The following TCF4 variants were observed in gnomAD, a reference collection of about 807,000 sequenced individuals.
TCF4 encodes transcription factor 4.
Under a neutral mutation model 82.1 loss-of-function variants are expected in TCF4, and 3 were observed. That is an observed-to-expected ratio of 0.04 (90% CI 0.02 to 0.09). The LOEUF is 0.09. Ranked by LOEUF, TCF4 falls within the 10% of genes least tolerant of loss-of-function variation. TCF4 has a pLI of 1.00. For synonymous variants in TCF4, 276 were observed against 309.6 expected (o/e 0.89, Z 1.14); for missense variants, 518 against 852.7 (o/e 0.61, Z 4.89).
At chr18:55,275,774 A>G (rs761519432) in intron 9 of TCF4, 22 bp from the exon 10 acceptor site, 21 of 1,613,538 alleles carry the variant, frequency 1.3e-5, no homozygotes, top group Non-Finnish European at 1.7e-5. Context: ...AAAGACAACC[A>G]TGACTTTCTG....
chr18:55,560,040 G>C (rs891575496), intron 3 of TCF4, among the ~76,000 whole-genome samples: 1 of 152,082 alleles, frequency 6.6e-6, no homozygotes, highest in African/African-American at 2.4e-5. Context: ...AATATTAGAA[G>C]CTGTAAAATA....
intron 15 of TCF4, among the ~76,000 whole-genome samples, chr18:55,246,507 A>G (rs1053339014): frequency 6.6e-6 from 1 of 152,192 alleles, no homozygotes; most frequent in Non-Finnish European, 1.5e-5. Flanking sequence ...ATGTTCACAT[A>G]TGGGCATGCA....
At chr18:55,476,254 C>T (rs1318601249) in intron 3 of TCF4, among the ~76,000 whole-genome samples, 1 of 151,972 alleles carries the variant, frequency 6.6e-6, no homozygotes, top group Non-Finnish European at 1.5e-5. Context: ...GAATATATTC[C>T]CACATTTAGA....
At chr18:55,403,256 G>C (rs1053932957) in intron 6 of TCF4, among the ~76,000 whole-genome samples, 198 bp downstream of exon 6, 1 of 152,152 alleles carries the variant, frequency 6.6e-6, no homozygotes, top group Non-Finnish European at 1.5e-5. Context: ...ATGTAGTTCT[G>C]ATACAGCAGC....
intron 2 of TCF4, among the ~76,000 whole-genome samples, chr18:55,597,258 G>A (rs1019814421): frequency 3.9e-5 from 6 of 152,170 alleles, no homozygotes; most frequent in Non-Finnish European, 4.4e-5. Context: ...GGCCCTCATT[G>A]CTTTGCTAGC....
intron 5 of TCF4, among the ~76,000 whole-genome samples, chr18:55,407,478 C>T (rs996848577): frequency 1.3e-5 from 2 of 152,120 alleles, no homozygotes; most frequent in African/African-American, 4.8e-5. Flanking sequence ...AGTGAGCAAA[C>T]AGTCCAGGAA....
chr18:55,381,137 C>A (rs532929315), intron 6 of TCF4, among the ~76,000 whole-genome samples: 1 of 152,082 alleles, frequency 6.6e-6, no homozygotes, highest in Non-Finnish European at 1.5e-5. Context: ...AAGAATAGCA[C>A]GAAATGTCTT....
chr18:55,252,897 A>G (rs868373577), intron 15 of TCF4, among the ~76,000 whole-genome samples: 39 of 152,190 alleles, frequency 2.6e-4, no homozygotes, highest in African/African-American at 3.6e-4. Flanking sequence ...CGAAAATCTC[A>G]TATTATATGC....
intron 8 of TCF4, among the ~76,000 whole-genome samples, chr18:55,301,077 C>G (rs1262392997): frequency 6.6e-6 from 1 of 152,092 alleles, no homozygotes; most frequent in Non-Finnish European, 1.5e-5. Context: ...TGTCTTCCTC[C>G]CCTCCCACCA....
In TCF4 at chr18:55,618,355, C is replaced by G. The variant is rs956482997; in HGVS notation, c.286+12943G>C. 8.5e-5 allele frequency among the ~76,000 whole-genome samples: 13 copies of G among 152,182 alleles called. No homozygotes were observed. In the East Asian group the frequency reaches 2.3e-3, roughly 27 times the overall value. On this transcript the variant is annotated intron_variant, in intron 2 of 20. Transcript: ENST00000398339. ...GATCTTTACATTTCTAAGAATCTATCCATTTCTTAAAGATTATCCAATTTG... is the reference window on the plus strand; with the variant it reads ...GATCTTTACATTTCTAAGAATCTATGCATTTCTTAAAGATTATCCAATTTG...
At chr18:55,258,641 C>T (rs1335872632) in intron 13 of TCF4, among the ~76,000 whole-genome samples, 2 of 152,036 alleles carry the variant, frequency 1.3e-5, no homozygotes, top group Admixed American at 6.6e-5. Flanking sequence ...ATTATGATAC[C>T]ATAGAACATT....
intron 2 of TCF4, among the ~76,000 whole-genome samples, chr18:55,596,848 C>T (rs2097691424): frequency 6.6e-6 from 1 of 151,956 alleles, no homozygotes; most frequent in Non-Finnish European, 1.5e-5. Flanking sequence ...AAGTTTATAG[C>T]CACTGCTCAA....
chr18:55,486,184 GA>G (rs1271296981), intron 3 of TCF4, among the ~76,000 whole-genome samples: 1 of 152,138 alleles, frequency 6.6e-6, no homozygotes, highest in African/African-American at 2.4e-5. Context: ...CTAATACAGG[GA>G]AAAAGTTTTA....
chr18:55,290,807 C>T (rs2064895137), intron 8 of TCF4, among the ~76,000 whole-genome samples: 1 of 151,854 alleles, frequency 6.6e-6, no homozygotes, highest in Admixed American at 6.6e-5. Context: ...GACATTCAAG[C>T]AAGAATGAAA....
chr18:55,619,914 T>C (rs2097715968), intron 2 of TCF4, among the ~76,000 whole-genome samples: 1 of 152,196 alleles, frequency 6.6e-6, no homozygotes, highest in South Asian at 2.1e-4. Flanking sequence ...TTAGGCTTTG[T>C]GTCCCCACCC....
intron 10 of TCF4, 128 bp from the exon 11 acceptor site, chr18:55,270,091 A>C: frequency 8.5e-7 from 1 of 1,179,748 alleles, no homozygotes; most frequent in Non-Finnish European, 1.2e-6. Context: ...AAAATAGCCA[A>C]GAATATATCT....
At chr18:55,251,769 T>G (rs947478635) in intron 15 of TCF4, among the ~76,000 whole-genome samples, 2 of 152,200 alleles carry the variant, frequency 1.3e-5, no homozygotes, top group East Asian at 3.8e-4. Flanking sequence ...CTCTCACCAG[T>G]GCTCTCTGCT....
At chr18:55,621,925 C>T (rs28564951) in intron 2 of TCF4, among the ~76,000 whole-genome samples, 2 of 41,992 alleles carry the variant, frequency 4.8e-5, no homozygotes, top group African/African-American at 2.1e-4. Flanking sequence ...TATATATACA[C>T]TATATACTAT....
At chr18:55,494,573 A>G (rs1231704478) in intron 3 of TCF4, among the ~76,000 whole-genome samples, 2 of 152,110 alleles carry the variant, frequency 1.3e-5, no homozygotes, top group Admixed American at 1.3e-4. Context: ...GGGCACTACA[A>G]TCACAGACAT....
Sources: gnomAD v4.1 joint callset for allele counts (sites outside exome capture counted in the v4.1 genomes callset) on GRCh38, gnomAD v4.1.1 for gene constraint, MANE v1.5 for transcripts, NCBI Gene and HGNC (gene_info 2026-07-23, HGNC 2026-07-21) for gene names.